The following SLC7A9 variants were observed in gnomAD, a reference collection of about 807,000 sequenced individuals.
SLC7A9 encodes the protein B(0,+)-type amino acid transporter 1.
Under a neutral mutation model 54.1 loss-of-function variants are expected in SLC7A9, and 38 were observed. The ratio of observed to expected loss-of-function variants is 0.70; its 90% CI spans 0.54 to 0.92. The LOEUF is 0.92. SLC7A9 is among the 40% of genes least tolerant of loss of function. SLC7A9 has a pLI of 0.00. For missense variants in SLC7A9, 537 were observed against 636.1 expected, an observed-to-expected ratio of 0.84 and a Z score of 1.68; for synonymous variants, 264 against 258.9, an observed-to-expected ratio of 1.02 and a Z score of -0.19.
chr19:32,840,015 G>A (rs1049355231), intron 11 of SLC7A9, among the ~76,000 whole-genome samples: 4 of 151,890 alleles, frequency 2.6e-5, no homozygotes, highest in Non-Finnish European at 5.9e-5. Context: ...CTTCTTCAGG[G>A]ACTCCAATTA....
intron 11 of SLC7A9, among the ~76,000 whole-genome samples, chr19:32,837,104 A>T (rs745560534): frequency 6.6e-5 from 10 of 152,136 alleles, no homozygotes; most frequent in Non-Finnish European, 1.2e-4. Context: ...GTATACAAGC[A>T]TCCTCTACTC....
intron 11 of SLC7A9, among the ~76,000 whole-genome samples, chr19:32,836,903 C>T (rs1967973995): frequency 6.6e-6 from 1 of 152,028 alleles, no homozygotes; most frequent in African/African-American, 2.4e-5. Flanking sequence ...GATCACAGCC[C>T]CTGTTTTTCT....
chr19:32,859,616 C>T (rs537359272), intron 8 of SLC7A9, among the ~76,000 whole-genome samples: 52 of 152,248 alleles, frequency 3.4e-4, no homozygotes, highest in African/African-American at 1.2e-3. Context: ...TGACCTCCCC[C>T]GACTCCCTGG....
At chr19:32,838,736 G>C (rs1197831318) in intron 11 of SLC7A9, among the ~76,000 whole-genome samples, 1 of 146,756 alleles carries the variant, frequency 6.8e-6, no homozygotes, top group Non-Finnish European at 1.5e-5. Context: ...ATGTATAACA[G>C]ACATGTAATG....
At chr19:32,857,755 T>C (rs1426269710) in intron 9 of SLC7A9, among the ~76,000 whole-genome samples, 11 of 152,204 alleles carry the variant, frequency 7.2e-5, no homozygotes, top group Non-Finnish European at 1.5e-4. Context: ...TAAGTTATGC[T>C]ACATCTGAAA....
chr19:32,860,186 A>G, intron 7 of SLC7A9: 1 of 1,488,600 alleles, frequency 6.7e-7, no homozygotes, highest in South Asian at 1.3e-5. Flanking sequence ...AGGAAGACCA[A>G]GCTCTTCCCT....
intron 1 of SLC7A9, 23 bp from the exon 2 acceptor site, chr19:32,868,668 A>G: frequency 2.6e-6 from 2 of 761,704 alleles, no homozygotes; most frequent in Non-Finnish European, 4.7e-6. Flanking sequence ...AGTGTTGGTT[A>G]TTGCTGCAGG....
At chr19:32,840,825 C>T (rs991338832) in intron 11 of SLC7A9, among the ~76,000 whole-genome samples, 1 of 152,182 alleles carries the variant, frequency 6.6e-6, no homozygotes, top group Non-Finnish European at 1.5e-5. Context: ...CGTGCGCCCT[C>T]TCTCCTGGGA....
intron 9 of SLC7A9, among the ~76,000 whole-genome samples, chr19:32,847,408 A>G (rs1439931934): frequency 1.3e-5 from 2 of 152,248 alleles, no homozygotes; most frequent in Non-Finnish European, 2.9e-5. Flanking sequence ...TCAGGAGCCG[A>G]TGCGATCAAC....
At chr19:32,833,804 GA>G (rs11341403) in intron 11 of SLC7A9, among the ~76,000 whole-genome samples, 69,299 of 147,988 alleles carry the variant, frequency 0.47, 16,861 homozygotes, top group East Asian at 0.72. Context: ...TCTCAAAAAA[GA>G]AAAAAAAAAA....
chr19:32,868,056 C>A (rs1369057595), intron 2 of SLC7A9, among the ~76,000 whole-genome samples: 3 of 151,488 alleles, frequency 2.0e-5, no homozygotes, highest in African/African-American at 7.3e-5. Context: ...CATGGTGAAA[C>A]CCTGTCTCTA....
chr19:32,857,143 C>T (rs1449884627), intron 9 of SLC7A9, among the ~76,000 whole-genome samples: 1 of 151,212 alleles, frequency 6.6e-6, no homozygotes, highest in Non-Finnish European at 1.5e-5. Context: ...GAGCAAGACT[C>T]CATCTCAAAA....
At chr19:32,854,256 C>T (rs1258893042) in intron 9 of SLC7A9, among the ~76,000 whole-genome samples, 2 of 152,008 alleles carry the variant, frequency 1.3e-5, no homozygotes, top group Non-Finnish European at 2.9e-5. Context: ...CTCAAGCAGT[C>T]CTCCCCCTCG....
intron 11 of SLC7A9, among the ~76,000 whole-genome samples, chr19:32,839,721 G>C (rs1400465245): frequency 6.6e-6 from 1 of 152,184 alleles, no homozygotes; most frequent in Non-Finnish European, 1.5e-5. Context: ...CTTGCAGCAT[G>C]AAGTGTTGGT....
rs1372281304 is a variant in SLC7A9 at position 32,864,248 on chromosome 19, G to A, written c.326C>T (p.Ala109Val). 1.9e-6 allele frequency: 3 copies of A among 1,614,206 alleles called. No homozygotes were observed. In the South Asian group the frequency reaches 3.3e-5, roughly 18 times the overall value. Residue 109 changes from alanine to valine, a missense_variant, in exon 4 of 13, where the codon GCC becomes GTC. Physicochemically the swap from Ala to Val is moderately conservative, Grantham distance 64. Transcript: ENST00000023064. Reference sequence around the variant, plus strand: ...CAGGCTGGCCCAGGAGAAGAGGTAGGCGGGGATGGGCCCGTAGGCCTCCAT... The same window carrying A: ...CAGGCTGGCCCAGGAGAAGAGGTAGACGGGGATGGGCCCGTAGGCCTCCAT... ...YLMEAYGPIPAYLFSWASLIV... is the reference protein window; with the variant it reads ...YLMEAYGPIPVYLFSWASLIV...
At chr19:32,864,918 T>C in intron 2 of SLC7A9, 142 bp from the exon 3 acceptor site, 1 of 1,043,626 alleles carries the variant, frequency 9.6e-7, no homozygotes, top group Non-Finnish European at 1.5e-6. Flanking sequence ...GCGGCTGCCC[T>C]GGCAACACCG....
At chr19:32,865,459 G>A (rs1018735279) in intron 2 of SLC7A9, among the ~76,000 whole-genome samples, 2 of 152,154 alleles carry the variant, frequency 1.3e-5, no homozygotes, top group South Asian at 2.1e-4. Context: ...GTAAGCCGCC[G>A]TGCCTGGCCC....
intron 11 of SLC7A9, among the ~76,000 whole-genome samples, chr19:32,833,887 A>C (rs1967880510): frequency 6.6e-6 from 1 of 152,160 alleles, no homozygotes. Context: ...GGTTTGCAAA[A>C]TGGTGATTTT....
chr19:32,865,567 C>G (rs775634685), intron 2 of SLC7A9, among the ~76,000 whole-genome samples: 3 of 152,212 alleles, frequency 2.0e-5, no homozygotes, highest in Non-Finnish European at 2.9e-5. Flanking sequence ...ACAGGTGAAA[C>G]TAATCCACAG....
Sources: allele counts gnomAD v4.1 joint callset (sites outside exome capture counted in the v4.1 genomes callset), GRCh38; gene constraint gnomAD v4.1.1; transcripts MANE v1.5; gene names NCBI Gene and HGNC (gene_info 2026-07-23, HGNC 2026-07-21).